The following MIA3 variants were observed in gnomAD, a reference collection of about 807,000 sequenced individuals.
MIA3 encodes the protein transport and Golgi organization protein 1 homolog.
Under a neutral mutation model 192.4 loss-of-function variants are expected in MIA3, and 90 were observed. That is an observed-to-expected ratio of 0.47 (90% confidence interval 0.39 to 0.56). The LOEUF is 0.56. MIA3 is among the 20% of genes least tolerant of loss of function. MIA3 has a pLI of 0.00. For synonymous variants in MIA3, 740 were observed against 792.8 expected (o/e 0.93, Z 1.12); for missense variants, 2,123 against 2,269.4 (o/e 0.94, Z 1.31).
intron 6 of MIA3, among the ~76,000 whole-genome samples, chr1:222,635,288 T>C (rs1662576043): frequency 6.6e-6 from 1 of 152,236 alleles, no homozygotes; most frequent in African/African-American, 2.4e-5. Flanking sequence ...AGGAATTCTT[T>C]ATTCATTGTA....
At chr1:222,626,053 C>T (rs1662103657) in intron 3 of MIA3, among the ~76,000 whole-genome samples, 1 of 152,108 alleles carries the variant, frequency 6.6e-6, no homozygotes, top group Admixed American at 6.6e-5. Flanking sequence ...AACACCATGC[C>T]CAGCCCCCCA....
rs191531935 is a variant in MIA3 at position 222,623,534 on chromosome 1, T to C, written c.268-1234T>C. On this transcript the variant is annotated intron_variant, in intron 2 of 27. Transcript: ENST00000344922. ...GTTTCTTAGTTTTCATTCTGCAGTC[T>C]TTTTTGGTTTCTTAGCATTTTAGAC... 2.0e-5 allele frequency among the ~76,000 whole-genome samples: 3 copies of C among 152,318 alleles called. No individual in the cohort carries two copies. The East Asian group carries it at 5.8e-4, about 29-fold the overall frequency.
chr1:222,644,356 A>G (rs1299808624), intron 6 of MIA3: 3 of 1,493,192 alleles, frequency 2.0e-6, no homozygotes, highest in African/African-American at 2.8e-5. Context: ...TGGAAGGCGA[A>G]GTTCAATCCC....
chr1:222,644,670 C>A, intron 6 of MIA3: 1 of 1,419,428 alleles, frequency 7.0e-7, no homozygotes, highest in Non-Finnish European at 9.7e-7. Context: ...CACTGATTGT[C>A]TGTGCAAAGG....
chr1:222,630,562 GAGA>G (rs1457121095), intron 4 of MIA3, among the ~76,000 whole-genome samples, 173 bp downstream of exon 4: 1 of 152,228 alleles, frequency 6.6e-6, no homozygotes, highest in African/African-American at 2.4e-5. Flanking sequence ...CTGGAGCATG[GAGA>G]AGAATTTCTT....
At chr1:222,622,970 A>G (rs1044334648) in intron 2 of MIA3, among the ~76,000 whole-genome samples, 4 of 152,102 alleles carry the variant, frequency 2.6e-5, no homozygotes, top group African/African-American at 9.7e-5. Flanking sequence ...TTCATGTGGC[A>G]TTTGCTTTAC....
chr1:222,630,040 G>A lies in MIA3; in HGVS notation c.2820G>A (p.Gln940=), dbSNP rs749054231. 3.1e-6 allele frequency: 5 copies of A among 1,613,984 alleles called. No individual in the cohort carries two copies. Among genetic ancestry groups the A allele is most frequent in the Admixed American group, 3.3e-5 (2 of 59,992 alleles). ...FKEQQSLQRF[Q]KYFNVHELEA... is the part of the protein sequence containing the mutation. Reference sequence around the variant, plus strand: ...AACAACAGTCTTTGCAGCGGTTCCAGAAGTACTTTAATGTCCATGAGCTGG... The same window carrying A: ...AACAACAGTCTTTGCAGCGGTTCCAAAAGTACTTTAATGTCCATGAGCTGG... The change falls in exon 4 of 28, where the codon CAG becomes CAA. Residue 940 remains glutamine, a synonymous_variant. Coordinates refer to ENST00000344922, the MANE Select transcript of MIA3 (RefSeq NM_198551.4).
chr1:222,633,734 G>T (rs761681947), intron 6 of MIA3, among the ~76,000 whole-genome samples: 2 of 152,132 alleles, frequency 1.3e-5, no homozygotes, highest in Non-Finnish European at 2.9e-5. Context: ...GATGTGGGCA[G>T]GGGGGCGGGC....
chr1:222,648,045 G>T, intron 7 of MIA3: 1 of 227,014 alleles, frequency 4.4e-6, no homozygotes, highest in Non-Finnish European at 9.5e-6. Context: ...AATATGTTCT[G>T]GGTTGCAAAG....
At chr1:222,660,096 G>A (rs762757629) in intron 23 of MIA3, 81 bp from the exon 24 acceptor site, 192 of 1,586,348 alleles carry the variant, frequency 1.2e-4, no homozygotes, top group Non-Finnish European at 1.5e-4. Flanking sequence ...TAATGGTTAT[G>A]GTACCCTAGG....
In MIA3 at chr1:222,630,193, A is replaced by T. The variant is rs1403082293; in HGVS notation, c.2973A>T (p.Glu991Asp). 19 of 1,614,112 alleles carry T rather than the reference A, an allele frequency of 1.2e-5. No individual in the cohort carries two copies. Among genetic ancestry groups the T allele is most frequent in the Non-Finnish European group, 1.7e-6 (2 of 1,180,048 alleles). ...AGTCACAAATTCTGAGCATAGCAGA[A>T]AAAATGCTTGATACTCGTGTGGCTG... ...ASESQILSIA[E>D]KMLDTRVAEN... The change falls in exon 4 of 28, where the codon GAA becomes GAT. Residue 991 changes from glutamate (E) to aspartate (D), a missense_variant. Transcript: ENST00000344922.
At chr1:222,631,280 C>T (rs1662389193) in intron 4 of MIA3, among the ~76,000 whole-genome samples, 1 of 152,040 alleles carries the variant, frequency 6.6e-6, no homozygotes, top group Admixed American at 6.6e-5. Context: ...CATCACTGTG[C>T]CCAAATAATT....
At chr1:222,662,467 C>CT (rs1402674878) in intron 26 of MIA3, 135 bp downstream of exon 26, 71 of 1,498,986 alleles carry the variant, frequency 4.7e-5, no homozygotes, top group Non-Finnish European at 5.7e-5. Context: ...GCAAACTGTT[C>CT]TCCAAGAGCC....
intron 6 of MIA3, chr1:222,644,163 CT>C (rs1663004279): frequency 1.0e-5 from 6 of 590,310 alleles, no homozygotes; most frequent in Non-Finnish European, 1.2e-5. Context: ...ACTTCCGCCT[CT>C]TTTTACTGGG....
intron 18 of MIA3, among the ~76,000 whole-genome samples, chr1:222,657,648 A>G (rs956052728): frequency 6.6e-6 from 1 of 152,192 alleles, no homozygotes; most frequent in Non-Finnish European, 1.5e-5. Context: ...TTTTTTCCAC[A>G]TCCCTTCCTA....
chr1:222,648,004 G>A, intron 7 of MIA3: 1 of 298,348 alleles, frequency 3.4e-6, no homozygotes, highest in Non-Finnish European at 7.1e-6. Flanking sequence ...ACTGGTGTTA[G>A]TATCTCATCA....
rs200919201 is a variant in MIA3 at position 222,630,115 on chromosome 1, G to C, written c.2895G>C (p.Glu965Asp). 4.1e-5 allele frequency: 66 copies of C among 1,614,254 alleles called. No individual in the cohort carries two copies. The African/African-American group carries it at 8.5e-4, about 21-fold the overall frequency. The change falls in exon 4 of 28, where the codon GAG becomes GAC. Residue 965 changes from glutamate (E) to aspartate (D), a missense_variant. Glu to Asp is a conservative substitution (Grantham distance 45, BLOSUM62 2). Around this residue, in one of 3 missense-constraint regions of MIA3, gnomAD observed 1,357 missense variants for 1,396.1 expected, o/e 0.97. Coordinates refer to ENST00000344922, the MANE Select transcript of MIA3 (RefSeq NM_198551.4). ...MSSKLKSAQQESLPYNMEKVL... is the reference protein window; with the variant it reads ...MSSKLKSAQQDSLPYNMEKVL... ...CAAAACTGAAGTCAGCGCAGCAGGA[G>C]AGCCTGCCCTATAATATGGAAAAAG...
chr1:222,654,443 C>T lies in MIA3; in HGVS notation c.4432C>T (p.Leu1478=). ...GGATCTAAAGCTTTTACAGCTTAAG[C>T]TAAGAGCCTCCGTGTCCACTAAATG... ...EEDLKLLQLK[L]RASVSTKCNL... The change falls in exon 17 of 28, where the codon CTA becomes TTA. Residue 1478 remains leucine (L), a synonymous_variant. Transcript: ENST00000344922. 6.2e-7 allele frequency: 1 copy of T among 1,613,636 alleles called. No homozygotes were observed. The highest frequency in any genetic ancestry group is 8.5e-7 in the Non-Finnish European group (1 of 1,179,830).
intron 18 of MIA3, among the ~76,000 whole-genome samples, chr1:222,657,186 G>C (rs1359013821): frequency 6.6e-6 from 1 of 152,198 alleles, no homozygotes; most frequent in Non-Finnish European, 1.5e-5. Context: ...CTTTATTCCA[G>C]TTAGCAATTA....
Sources: gnomAD v4.1 joint callset for allele counts (sites outside exome capture counted in the v4.1 genomes callset) on GRCh38, gnomAD v4.1.1 for gene constraint, gnomAD v4.1.1 regional missense constraint, MANE v1.5 for transcripts, NCBI Gene and HGNC (gene_info 2026-07-23, HGNC 2026-07-21) for gene names.